Variants in ITPR2 observed in about 807,000 individuals in gnomAD.
ITPR2 encodes the protein inositol 1,4,5-trisphosphate-gated calcium channel ITPR2.
A neutral mutation model predicts 317.1 loss-of-function variants in ITPR2; 207 were observed. The observed-to-expected ratio is 0.65, with a 90% CI of 0.58 to 0.73. The LOEUF (loss-of-function observed/expected upper bound fraction) is 0.73, where lower values mean the gene tolerates loss of function less well. ITPR2 is among the 30% of genes least tolerant of loss of function. The pLI is 0.00. For missense variants in ITPR2, 2,613 were observed against 3,284.0 expected (o/e 0.80, Z 4.99); for synonymous variants, 1,156 against 1,149.1 (o/e 1.01, Z -0.12).
intron 37 of ITPR2, among the ~76,000 whole-genome samples, chr12:26,522,706 A>G (rs1159389685): frequency 1.3e-5 from 2 of 152,238 alleles, no homozygotes; most frequent in African/African-American, 4.8e-5. Context: ...AAATTGAAAA[A>G]TTGTTAAATT....
chr12:26,587,712 C>T (rs1945569205), intron 32 of ITPR2, among the ~76,000 whole-genome samples: 1 of 149,680 alleles, frequency 6.7e-6, no homozygotes, highest in Non-Finnish European at 1.5e-5. Context: ...TCCTTCTTCT[C>T]CCTCTCTTTC....
At chr12:26,804,454 G>C (rs1261269203) in intron 1 of ITPR2, among the ~76,000 whole-genome samples, 3 of 152,120 alleles carry the variant, frequency 2.0e-5, no homozygotes, top group Non-Finnish European at 4.4e-5. Flanking sequence ...GAGGGAGTGA[G>C]TAAGTCCTTA....
At chr12:26,675,000 T>C (rs994204462) in intron 13 of ITPR2, among the ~76,000 whole-genome samples, 7 of 152,178 alleles carry the variant, frequency 4.6e-5, no homozygotes, top group Admixed American at 2.0e-4. Context: ...CAATGAGATA[T>C]CATCTCACAC....
At chr12:26,760,022 G>A (rs1310753360) in intron 2 of ITPR2, among the ~76,000 whole-genome samples, 1 of 152,154 alleles carries the variant, frequency 6.6e-6, no homozygotes, top group African/African-American at 2.4e-5. Flanking sequence ...GATATAAAAT[G>A]CTATAGTATT....
At chr12:26,530,491 C>A (rs1177347289) in intron 37 of ITPR2, among the ~76,000 whole-genome samples, 2 of 152,174 alleles carry the variant, frequency 1.3e-5, no homozygotes, top group African/African-American at 4.8e-5. Context: ...TCTTGATGGT[C>A]AGAAGTAAAT....
rs970222611 is a variant in ITPR2 at position 26,481,017 on chromosome 12, C to T, written c.6123+114G>A. On this transcript the variant is annotated intron_variant, in intron 43 of 56. Transcript: ENST00000381340. Reference sequence around the variant, plus strand: ...AGTAAGCATTGTACTTTCACTATCCCTTTCTGTCAATTGATTAGTTGAAAA... The same window carrying T: ...AGTAAGCATTGTACTTTCACTATCCTTTTCTGTCAATTGATTAGTTGAAAA... 23 of 574,906 alleles carry T rather than the reference C, an allele frequency of 4.0e-5. No homozygotes were observed. In the Admixed American group the frequency reaches 5.7e-4, roughly 14 times the overall value. The allele number at this position is 574,906 out of a possible 1,614,324, so 35.6% of individuals were successfully genotyped here.
chr12:26,598,584 T>A (rs1363204861), intron 30 of ITPR2, among the ~76,000 whole-genome samples: 1 of 152,150 alleles, frequency 6.6e-6, no homozygotes, highest in Non-Finnish European at 1.5e-5. Context: ...AACATAAACA[T>A]GAAAAAGGCA....
At chr12:26,632,302 T>C (rs1041048786) in intron 21 of ITPR2, among the ~76,000 whole-genome samples, 1 of 152,200 alleles carries the variant, frequency 6.6e-6, no homozygotes, top group African/African-American at 2.4e-5. Flanking sequence ...TTTCAAATCA[T>C]GTAACAAAGG....
intron 45 of ITPR2, among the ~76,000 whole-genome samples, chr12:26,460,926 C>T (rs188477564): frequency 1.6e-4 from 24 of 152,304 alleles, no homozygotes; most frequent in African/African-American, 5.8e-4. Flanking sequence ...ATTTCCCCCA[C>T]TTCTCCCTCT....
At chr12:26,639,000 A>C (rs998079701) in intron 21 of ITPR2, among the ~76,000 whole-genome samples, 2 of 152,210 alleles carry the variant, frequency 1.3e-5, no homozygotes, top group African/African-American at 4.8e-5. Context: ...ATTTTCACCT[A>C]GGCTACATTA....
intron 22 of ITPR2, chr12:26,630,803 C>T (rs924945763): frequency 1.3e-5 from 2 of 152,058 alleles, no homozygotes; most frequent in Non-Finnish European, 2.9e-5. Flanking sequence ...GAGTTTGTCC[C>T]ATGAGTCAGG....
intron 34 of ITPR2, among the ~76,000 whole-genome samples, chr12:26,574,884 G>A (rs1945240495): frequency 6.6e-6 from 1 of 151,920 alleles, no homozygotes; most frequent in Non-Finnish European, 1.5e-5. Context: ...TTATCACCGA[G>A]GGGATGGTGC....
intron 55 of ITPR2, among the ~76,000 whole-genome samples, chr12:26,361,044 T>C (rs1938812643): frequency 2.6e-5 from 4 of 151,862 alleles, no homozygotes; most frequent in African/African-American, 7.3e-5. Context: ...TGAAACCCCA[T>C]CTCTACTAAA....
chr12:26,549,655 C>G (rs1944477228), intron 37 of ITPR2, among the ~76,000 whole-genome samples: 1 of 152,050 alleles, frequency 6.6e-6, no homozygotes, highest in Non-Finnish European at 1.5e-5. Context: ...CTAGCTATCT[C>G]TTAATGAGCA....
chr12:26,567,997 T>TTATATATATTATATATATATATATAA (rs1945045480), intron 34 of ITPR2, among the ~76,000 whole-genome samples: 1 of 4,804 alleles, frequency 2.1e-4, no homozygotes, highest in Non-Finnish European at 2.3e-3. Flanking sequence ...TATATATATA[T>TTATATATATTATATATATATATATAA]TATATATATT....
At chr12:26,403,580 T>C (rs11048500) in intron 52 of ITPR2, among the ~76,000 whole-genome samples, 10,563 of 152,072 alleles carry the variant, frequency 0.069, 477 homozygotes, top group East Asian at 0.18. Flanking sequence ...ATCACACCAC[T>C]GCACTCCAGC....
chr12:26,505,578 A>G (rs1943164704), intron 37 of ITPR2, among the ~76,000 whole-genome samples: 1 of 152,210 alleles, frequency 6.6e-6, no homozygotes, highest in South Asian at 2.1e-4. Context: ...GTCCTCTTAT[A>G]ATAGCATGTA....
At chr12:26,349,144 T>C (rs1202767790) in intron 55 of ITPR2, among the ~76,000 whole-genome samples, 1 of 152,102 alleles carries the variant, frequency 6.6e-6, no homozygotes, top group Non-Finnish European at 1.5e-5. Context: ...AGAGTCCCTG[T>C]CTCTAAAACA....
rs1394932317 is a variant in ITPR2 at position 26,790,155 on chromosome 12, A to G, written c.163+2T>C. 4 of 1,603,732 alleles carry G rather than the reference A, an allele frequency of 2.5e-6. No individual in the cohort carries two copies. The highest frequency in any genetic ancestry group is 3.4e-6 in the Non-Finnish European group (4 of 1,170,658). On this transcript the variant is annotated splice_donor_variant, in intron 2 of 56. Transcript: ENST00000381340. LOFTEE classifies it high-confidence loss of function. Reference sequence around the variant, plus strand: ...AATTAAAAAAATATATGTATTTCTTACCTCTGAACTTCTTGGGAGGGTTGG... The same window carrying G: ...AATTAAAAAAATATATGTATTTCTTGCCTCTGAACTTCTTGGGAGGGTTGG...
Sources: gnomAD v4.1 joint callset for allele counts (sites outside exome capture counted in the v4.1 genomes callset) on GRCh38, gnomAD v4.1.1 for gene constraint, MANE v1.5 for transcripts, NCBI Gene and HGNC (gene_info 2026-07-23, HGNC 2026-07-21) for gene names.